Variants in PDS5A observed in about 807,000 individuals in gnomAD.
PDS5A encodes the protein PDS5 cohesin associated factor A, also known as sister chromatid cohesion protein PDS5 homolog A.
A neutral mutation model predicts 167.1 loss-of-function variants in PDS5A; 42 were observed. The observed-to-expected ratio is 0.25, with a 90% CI of 0.20 to 0.33. The LOEUF is 0.33. PDS5A is among the 10% of genes least tolerant of loss of function. The probability of loss-of-function intolerance (pLI) is 1.00; values close to 1 mark genes in which losing one functional copy is unlikely to be tolerated. For missense variants in PDS5A, 1,033 were observed against 1,605.9 expected, an observed-to-expected ratio of 0.64 and a Z score of 6.10; for synonymous variants, 553 against 554.6, an observed-to-expected ratio of 1.00 and a Z score of 0.04.
intron 6 of PDS5A, among the ~76,000 whole-genome samples, chr4:39,921,964 C>T (rs544736776): frequency 3.2e-4 from 49 of 152,202 alleles, no homozygotes; most frequent in Admixed American, 4.6e-4. Flanking sequence ...TATAATTGGA[C>T]AGATTTTTCC....
intron 32 of PDS5A, among the ~76,000 whole-genome samples, chr4:39,829,373 G>A (rs1349110530): frequency 1.3e-5 from 2 of 152,158 alleles, no homozygotes; most frequent in Admixed American, 6.5e-5. Flanking sequence ...AGCTGAGGCC[G>A]GGCATGGTGG....
At chr4:39,931,088 G>A (rs764845690) in intron 2 of PDS5A, among the ~76,000 whole-genome samples, 3 of 152,004 alleles carry the variant, frequency 2.0e-5, no homozygotes, top group Admixed American at 6.6e-5. Context: ...CAGGAGGATC[G>A]CTTGAGCCCA....
Position 39,964,355 on chromosome 4 carries a change from G to A in PDS5A, c.138+12085C>T, listed in dbSNP as rs57756944. ...CTGGCTGATTAAATTATGTAAATAA[G>A]GGGGATGTATTTCTCAGCCCTATAT... On this transcript the variant is annotated intron_variant, in intron 2 of 32. Transcript: ENST00000303538. 4.7e-3 allele frequency among the ~76,000 whole-genome samples: 717 copies of A among 152,260 alleles called. 30 individuals are homozygous for A. The East Asian group carries it at 0.095, about 20-fold the overall frequency.
intron 2 of PDS5A, among the ~76,000 whole-genome samples, chr4:39,953,422 G>GTTTT (rs34704998): frequency 2.8e-5 from 4 of 142,582 alleles, no homozygotes; most frequent in African/African-American, 1.0e-4. Flanking sequence ...TGAAGAATCA[G>GTTTT]TTTTTTTTTT....
At chr4:39,950,418 G>GA (rs1156364830) in intron 2 of PDS5A, among the ~76,000 whole-genome samples, 1 of 151,646 alleles carries the variant, frequency 6.6e-6, no homozygotes, top group African/African-American at 2.4e-5. Flanking sequence ...GACAGAGCAA[G>GA]ACTCTGTCTC....
intron 32 of PDS5A, among the ~76,000 whole-genome samples, chr4:39,832,083 A>C (rs1715951580): frequency 6.6e-6 from 1 of 151,672 alleles, no homozygotes; most frequent in Non-Finnish European, 1.5e-5. Context: ...TCACCATTGT[A>C]CTCCAGCCTG....
At chr4:39,938,896 G>A (rs1156800841) in intron 2 of PDS5A, among the ~76,000 whole-genome samples, 1 of 151,928 alleles carries the variant, frequency 6.6e-6, no homozygotes, top group Non-Finnish European at 1.5e-5. Context: ...CTTGAACCAG[G>A]GAGTCCGAGG....
chr4:39,958,282 G>A (rs1729152614), intron 2 of PDS5A, among the ~76,000 whole-genome samples: 1 of 152,052 alleles, frequency 6.6e-6, no homozygotes. Flanking sequence ...CGAAGCAGGA[G>A]GATCTCCTGA....
At chr4:39,974,369 T>C in intron 2 of PDS5A, 1 of 429,218 alleles carries the variant, frequency 2.3e-6, no homozygotes, top group Non-Finnish European at 4.6e-6. Flanking sequence ...TTATCCAACA[T>C]TAGAATTCAA....
chr4:39,870,455 C>T (rs1349508370), intron 21 of PDS5A, among the ~76,000 whole-genome samples: 3 of 151,696 alleles, frequency 2.0e-5, no homozygotes, highest in African/African-American at 4.8e-5. Context: ...GGCATGGTGG[C>T]GTGTGCTGAT....
chr4:39,841,285 G>A (rs544451015), intron 31 of PDS5A, among the ~76,000 whole-genome samples: 204 of 144,392 alleles, frequency 1.4e-3, no homozygotes, highest in African/African-American at 4.8e-3. Context: ...GATTACAGGC[G>A]CCTGCCACCA....
intron 32 of PDS5A, among the ~76,000 whole-genome samples, chr4:39,827,465 G>A (rs1477085555): frequency 2.0e-5 from 3 of 152,120 alleles, no homozygotes; most frequent in African/African-American, 7.2e-5. Context: ...ATCACTGCAA[G>A]CACTTGGCTT....
intron 11 of PDS5A, among the ~76,000 whole-genome samples, chr4:39,905,821 G>C (rs558138138): frequency 3.1e-4 from 47 of 150,934 alleles, no homozygotes; most frequent in Admixed American, 1.7e-3. Flanking sequence ...AGAAAAGGAG[G>C]GAAGAAAGCA....
chr4:39,886,340 T>C (rs945771127), intron 17 of PDS5A, among the ~76,000 whole-genome samples: 4 of 152,240 alleles, frequency 2.6e-5, no homozygotes, highest in African/African-American at 9.6e-5. Context: ...TTTTTCTATT[T>C]CTGTGAAGAA....
intron 22 of PDS5A, chr4:39,868,560 C>G: frequency 4.6e-6 from 2 of 430,818 alleles, no homozygotes; most frequent in South Asian, 3.4e-5. Context: ...AACTCCTGAC[C>G]CCAAGTGATC....
chr4:39,855,146 T>C (rs981411344), intron 26 of PDS5A, among the ~76,000 whole-genome samples: 2 of 152,100 alleles, frequency 1.3e-5, no homozygotes, highest in African/African-American at 4.8e-5. Flanking sequence ...TGGAACCTCA[T>C]GGGACCCAGC....
chr4:39,926,990 G>C (rs1725534457), intron 3 of PDS5A, 129 bp from the exon 4 acceptor site: 2 of 730,800 alleles, frequency 2.7e-6, no homozygotes, highest in Non-Finnish European at 3.8e-6. Context: ...TGAATGTCTT[G>C]GGATTGGCCT....
At chr4:39,969,158 CAATT>C (rs1340383615) in intron 2 of PDS5A, among the ~76,000 whole-genome samples, 6 of 152,168 alleles carry the variant, frequency 3.9e-5, no homozygotes. Flanking sequence ...TAATATTTGT[CAATT>C]AATATATAAT....
intron 23 of PDS5A, among the ~76,000 whole-genome samples, chr4:39,864,564 C>A (rs981414220): frequency 6.6e-6 from 1 of 152,090 alleles, no homozygotes; most frequent in Non-Finnish European, 1.5e-5. Context: ...GACCACTTTA[C>A]GAAATGCAGA....
Sources: gnomAD v4.1 joint callset for allele counts (sites outside exome capture counted in the v4.1 genomes callset) on GRCh38, gnomAD v4.1.1 for gene constraint, MANE v1.5 for transcripts, NCBI Gene and HGNC (gene_info 2026-07-23, HGNC 2026-07-21) for gene names.